PDP2: variants seen among roughly 807,000 people sequenced by gnomAD.
PDP2 encodes the protein [Pyruvate dehydrogenase [acetyl-transferring]]-phosphatase 2, mitochondrial.
A neutral mutation model predicts 34.2 loss-of-function variants in PDP2; 23 were observed. That is an observed-to-expected ratio of 0.67 (90% CI 0.48 to 0.95). The LOEUF is 0.95. Among genes scored for constraint, PDP2 ranks in the 40% least tolerant of loss-of-function variants. The pLI, the probability that PDP2 is intolerant of heterozygous loss-of-function variation, is 0.00. For missense variants in PDP2, 571 were observed against 659.6 expected (o/e 0.87, Z 1.47); for synonymous variants, 275 against 269.2 (o/e 1.02, Z -0.21).
At position 66,884,501 on chromosome 16, in the gene PDP2, T is replaced by A; in HGVS notation, c.217T>A (p.Phe73Ile). The change falls in exon 2 of 2, where the codon TTT (phenylalanine) becomes ATT (isoleucine). Residue 73 changes from phenylalanine to isoleucine, a missense_variant. Coordinates refer to ENST00000311765, the MANE Select transcript of PDP2 (RefSeq NM_020786.4). Reference sequence around the variant, plus strand: ...ACACACATCAACAGAGGAAGATGATTTTCACTTGCAACTCAGCCCTGAGCA... The same window carrying A: ...ACACACATCAACAGAGGAAGATGATATTCACTTGCAACTCAGCCCTGAGCA... ...YRHTSTEEDD[F>I]HLQLSPEQIN... 1 of 1,614,198 alleles carries A rather than the reference T, an allele frequency of 6.2e-7. No homozygotes were observed. Among genetic ancestry groups the A allele is most frequent in the Non-Finnish European group, 8.5e-7 (1 of 1,180,032 alleles).
Position 66,889,423 on chromosome 16 carries a change from C to T in PDP2, c.*3549C>T, listed in dbSNP as rs1178259668. The T allele has an allele frequency of 7.2e-5, 11 of 152,078 alleles. No homozygotes were observed. The highest frequency in any genetic ancestry group is 1.5e-5 in the Non-Finnish European group (1 of 68,028). 9.4% of individuals were successfully genotyped at this position (152,078 alleles called of 1,614,324 possible). On this transcript the variant is annotated 3_prime_UTR_variant, in exon 2 of 2. Transcript: ENST00000311765. ...TGAAGTGACTCTCGTGCCTCTGCCA[C>T]AGAGTAGCTGGGATTACAGGCATGC...
chr16:66,884,156 A>G (rs1237576275), intron 1 of PDP2, 75 bp from the exon 2 acceptor site: 5 of 841,640 alleles, frequency 5.9e-6, no homozygotes, highest in Non-Finnish European at 8.7e-6. Flanking sequence ...CCTGGGCGGC[A>G]GAGCGAGACT....
rs1961659987 is a variant in PDP2 at position 66,884,588 on chromosome 16, G to A, written c.304G>A (p.Val102Ile). 1.2e-6 allele frequency: 2 copies of A among 1,614,224 alleles called. No individual in the cohort carries two copies. The highest frequency in any genetic ancestry group is 1.7e-6 in the Non-Finnish European group (2 of 1,180,032). ...THKILDLESRVPNSVLRFESN... is the reference protein window; with the variant it reads ...THKILDLESRIPNSVLRFESN... ...CAAGATTCTTGACCTTGAAAGCAGA[G>A]TCCCAAATTCAGTGTTGCGGTTTGA... Residue 102 changes from valine (V) to isoleucine (I), a missense_variant, in exon 2 of 2, where the codon GTC (valine) becomes ATC (isoleucine). Val to Ile is a conservative substitution (Grantham distance 29). This residue lies in a region of PDP2 where 290 missense variants were observed against 283.8 expected (regional missense o/e 1.02). Transcript: ENST00000311765.
chr16:66,885,607 G>C lies in PDP2; in HGVS notation c.1323G>C (p.Leu441=), dbSNP rs1324923840. The change falls in exon 2 of 2, where the codon CTG becomes CTC. Residue 441 remains leucine (L), a synonymous_variant. Coordinates refer to ENST00000311765, the MANE Select transcript of PDP2 (RefSeq NM_020786.4). The surrounding 1 kb of genome is among the most constrained non-coding windows in gnomAD (Gnocchi z 4.6). ...AGGCAGATTGGCACAAGACAGACCT[G>C]GCCCAGAGACCCGCCAACTTGGGGC... ...LAEADWHKTD[L]AQRPANLGLM... 1 of 1,614,084 alleles carries C rather than the reference G, an allele frequency of 6.2e-7. No homozygotes were observed. The highest frequency in any genetic ancestry group is 1.6e-4 in the Middle Eastern group (1 of 6,062).
rs1961694855 is a variant in PDP2, at chr16:66,885,076, C to A, written c.792C>A (p.Phe264Leu). ...GGAACCTGTCACTCCAGGTTGCTTTCTCTGGGGCAACAGCTTGCATGGCCC... is the reference window on the plus strand; with the variant it reads ...GGAACCTGTCACTCCAGGTTGCTTTATCTGGGGCAACAGCTTGCATGGCCC... The part of the protein sequence containing the change: ...VTRNLSLQVA[F>L]SGATACMAHV... The change falls in exon 2 of 2, where the codon TTC (phenylalanine) becomes TTA (leucine). Residue 264 changes from phenylalanine to leucine, a missense_variant. Coordinates refer to ENST00000311765, the MANE Select transcript of PDP2 (RefSeq NM_020786.4). The surrounding 1 kb of genome is among the most constrained non-coding windows in gnomAD (Gnocchi z 4.6). 1 of 1,613,968 alleles carries A rather than the reference C, an allele frequency of 6.2e-7. No homozygotes were observed. Among genetic ancestry groups the A allele is most frequent in the Non-Finnish European group, 8.5e-7 (1 of 1,180,038 alleles).
At position 66,886,511 on chromosome 16, in the gene PDP2, G is replaced by C. The variant is rs769219321; in HGVS notation, c.*637G>C. The C allele has an allele frequency of 8.6e-6, 4 of 467,298 alleles. No individual in the cohort carries two copies. Among genetic ancestry groups the C allele is most frequent in the South Asian group, 1.6e-5 (1 of 64,302 alleles). The allele number at this position is 467,298 out of a possible 1,614,324, so 28.9% of individuals were successfully genotyped here. On this transcript the variant is annotated 3_prime_UTR_variant, in exon 2 of 2. Coordinates refer to ENST00000311765, the MANE Select transcript of PDP2 (RefSeq NM_020786.4). ...CCTTAAACTTGCAAACACGCCTACT[G>C]TAAGCATGCTTGGAATGACTTGTTT...
At chr16:66,882,584 A>T (rs903516695) in intron 1 of PDP2, among the ~76,000 whole-genome samples, 1 of 151,958 alleles carries the variant, frequency 6.6e-6, no homozygotes, top group Non-Finnish European at 1.5e-5. Context: ...TTCTAAGACT[A>T]ATATTCCCAT....
At position 66,885,035 on chromosome 16, in the gene PDP2, G is replaced by A. The variant is rs776603819; in HGVS notation, c.751G>A (p.Glu251Lys). 8 of 1,613,690 alleles carry A rather than the reference G, an allele frequency of 5.0e-6. No individual in the cohort carries two copies. The South Asian group carries it at 5.5e-5, about 11-fold the overall frequency. The change falls in exon 2 of 2, where the codon GAA (glutamate) becomes AAA (lysine). Residue 251 changes from glutamate (E) to lysine (K), a missense_variant. By Grantham distance (56) the Glu-to-Lys change is moderately conservative (BLOSUM62 1). Transcript: ENST00000311765. The surrounding 1 kb of genome is among the most constrained non-coding windows in gnomAD (Gnocchi z 4.6). ...DISLEIQAPL[E>K]DEVTRNLSLQ... ...CTCGCTGGAAATCCAGGCCCCCCTG[G>A]AAGATGAGGTGACAAGGAACCTGTC...
chr16:66,884,104 G>A, intron 1 of PDP2, 127 bp from the exon 2 acceptor site: 1 of 470,260 alleles, frequency 2.1e-6, no homozygotes, highest in South Asian at 3.1e-5. Context: ...AACCTGGGAG[G>A]CGGAGCTTGC....
rs916841457 is a variant in PDP2, at chr16:66,887,227, C to G, written c.*1353C>G. Reference sequence around the variant, plus strand: ...TAATGGTTTCTGTGGGCTGTAGACTCTTTGTATTTACTTGGAAATTCAGTT... The same window carrying G: ...TAATGGTTTCTGTGGGCTGTAGACTGTTTGTATTTACTTGGAAATTCAGTT... On this transcript the variant is annotated 3_prime_UTR_variant, in exon 2 of 2. Coordinates refer to ENST00000311765, the MANE Select transcript of PDP2 (RefSeq NM_020786.4). 1.2e-5 allele frequency: 2 copies of G among 166,284 alleles called. No individual in the cohort carries two copies. The highest frequency in any genetic ancestry group is 2.9e-5 in the Non-Finnish European group (2 of 68,106). The allele number at this position is 166,284 out of a possible 1,614,324, so 10.3% of individuals were successfully genotyped here.
Position 66,890,885 on chromosome 16 carries a change from G to A in PDP2, c.*5011G>A, listed in dbSNP as rs1961972845. On this transcript the variant is annotated 3_prime_UTR_variant, in exon 2 of 2. Coordinates refer to ENST00000311765, the MANE Select transcript of PDP2 (RefSeq NM_020786.4). The stretch of plus-strand genomic sequence containing the variant: ...TTGGGACAGCCATGCAGCTATCAGA[G>A]CCGACTGAAGCCCTGTCCCTTACCC... The A allele has an allele frequency of 6.6e-6, 1 of 152,190 alleles. No individual in the cohort carries two copies. Among genetic ancestry groups the A allele is most frequent in the Admixed American group, 6.5e-5 (1 of 15,278 alleles). The allele number at this position is 152,190 out of a possible 1,614,324, so 9.4% of individuals were successfully genotyped here. A position where few individuals can be genotyped will look rare whatever the true frequency, so the allele number is the denominator to read the frequency against.
At chr16:66,881,011 G>T (rs1961491421) in intron 1 of PDP2, among the ~76,000 whole-genome samples, 2 of 152,242 alleles carry the variant, frequency 1.3e-5, no homozygotes, top group South Asian at 4.1e-4. Flanking sequence ...GCACCAAGCG[G>T]GTCGCCCGGG....
At position 66,885,483 on chromosome 16, in the gene PDP2, T is replaced by C. The variant is rs1403583355; in HGVS notation, c.1199T>C (p.Leu400Pro). ...TAEPEVTYHR[L>P]RPQDKFLVLA... ...GAGCCTGAGGTCACATACCACAGGC[T>C]GAGGCCCCAGGATAAGTTCCTTGTG... Residue 400 changes from leucine to proline, a missense_variant, in exon 2 of 2, where the codon CTG becomes CCG. This residue lies in a region of PDP2 where 281 missense variants were observed against 375.8 expected (regional missense o/e 0.75). Transcript: ENST00000311765. The surrounding 1 kb of genome is among the most constrained non-coding windows in gnomAD (Gnocchi z 4.6). The C allele has an allele frequency of 6.2e-7, 1 of 1,614,024 alleles. No homozygotes were observed. Among genetic ancestry groups the C allele is most frequent in the East Asian group, 2.2e-5 (1 of 44,880 alleles).
chr16:66,882,301 C>A (rs576715302), intron 1 of PDP2, among the ~76,000 whole-genome samples: 1 of 151,994 alleles, frequency 6.6e-6, no homozygotes, highest in African/African-American at 2.4e-5. Flanking sequence ...CTGGGCCTGG[C>A]GGCACATGCC....
At chr16:66,880,947 C>T (rs1011649297) in intron 1 of PDP2, among the ~76,000 whole-genome samples, 14 of 152,220 alleles carry the variant, frequency 9.2e-5, no homozygotes, top group Admixed American at 2.0e-4. Flanking sequence ...CCTTGGAGCT[C>T]TGTGTCCCGA....
chr16:66,885,701 C>A lies in PDP2; in HGVS notation c.1417C>A (p.Arg473=). The change falls in exon 2 of 2, where the codon CGG becomes AGG. Residue 473 remains arginine (R), a synonymous_variant. Transcript: ENST00000311765. This position sits in a 1 kb window ranked among gnomAD's most constrained non-coding sequence, Gnocchi z 4.6. ...LHEADQNAAT[R]LIRHAIGNNE... ...CGAGGCTGACCAAAATGCAGCCACGCGGCTGATCAGACATGCCATCGGGAA... is the reference window on the plus strand; with the variant it reads ...CGAGGCTGACCAAAATGCAGCCACGAGGCTGATCAGACATGCCATCGGGAA... 6.2e-7 allele frequency: 1 copy of A among 1,613,994 alleles called. No homozygotes were observed. Among genetic ancestry groups the A allele is most frequent in the Non-Finnish European group, 8.5e-7 (1 of 1,179,998 alleles).
chr16:66,883,923 C>G (rs1193362036), intron 1 of PDP2, among the ~76,000 whole-genome samples: 1 of 151,688 alleles, frequency 6.6e-6, no homozygotes, highest in Non-Finnish European at 1.5e-5. Flanking sequence ...GCCTGTAATC[C>G]CAGCACTTTG....
chr16:66,888,072 CTTT>C lies in PDP2; in HGVS notation c.*2199_*2201del. 6.9e-6 allele frequency: 1 copy of C among 145,538 alleles called. No homozygotes were observed. Among genetic ancestry groups the C allele is most frequent in the Non-Finnish European group, 1.5e-5 (1 of 66,654 alleles). The allele number at this position is 145,538 out of a possible 1,614,324, so 9.0% of individuals were successfully genotyped here. On this transcript the variant is annotated 3_prime_UTR_variant, in exon 2 of 2. Coordinates refer to ENST00000311765, the MANE Select transcript of PDP2 (RefSeq NM_020786.4). Reference sequence around the variant, plus strand: ...TTCCTTCCTTCCTCTCTCTCTCTTTCTTTCTTTCTTTCCTTCTTGACAGGGTCT... The same window carrying C: ...TTCCTTCCTTCCTCTCTCTCTCTTTCCTTTCTTTCCTTCTTGACAGGGTCT...
Position 66,885,862 on chromosome 16 carries a change from C to A in PDP2, c.1578C>A (p.Tyr526Ter), listed in dbSNP as rs1247858371. 6.3e-7 allele frequency: 1 copy of A among 1,599,234 alleles called. No individual in the cohort carries two copies. Among genetic ancestry groups the A allele is most frequent in the Non-Finnish European group, 8.6e-7 (1 of 1,169,510 alleles). Residue 526 changes from tyrosine to a stop codon, truncating the protein, a stop_gained, in exon 2 of 2, where the codon TAC (tyrosine) becomes TAA (stop). Coordinates refer to ENST00000311765, the MANE Select transcript of PDP2 (RefSeq NM_020786.4). LOFTEE classifies it high-confidence loss of function. The surrounding 1 kb of genome is among the most constrained non-coding windows in gnomAD (Gnocchi z 4.6). The part of the protein sequence containing the change: ...YFNSESIGAY[Y>*]KGG ...ACTCAGAATCAATCGGTGCATATTA[C>A]AAGGGGGGTTAAGAATCTCCCATCC...
Sources: allele counts gnomAD v4.1 joint callset (sites outside exome capture counted in the v4.1 genomes callset), GRCh38; gene constraint gnomAD v4.1.1; regional missense constraint gnomAD v4.1.1; non-coding constraint Gnocchi (gnomAD v3.1); transcripts MANE v1.5; gene names NCBI Gene and HGNC (gene_info 2026-07-23, HGNC 2026-07-21).